KIF2C: variants seen among roughly 807,000 people sequenced by gnomAD.
The protein encoded by KIF2C is kinesin-like protein KIF2C.
Under a neutral mutation model 97.4 loss-of-function variants are expected in KIF2C, and 34 were observed. That is an observed-to-expected ratio of 0.35 (90% CI 0.27 to 0.46). The LOEUF is 0.46. Among genes scored for constraint, KIF2C ranks in the 20% least tolerant of loss-of-function variants. KIF2C has a pLI of 1.00. For missense variants in KIF2C, 750 were observed against 907.6 expected (o/e 0.83, Z 2.23); for synonymous variants, 313 against 318.2 (o/e 0.98, Z 0.17).
intron 4 of KIF2C, 48 bp from the exon 5 acceptor site, chr1:44,750,394 C>T: frequency 7.5e-7 from 1 of 1,330,866 alleles, no homozygotes; most frequent in Admixed American, 2.9e-5. Context: ...CCCCTGACCA[C>T]CCTCGAGATC....
chr1:44,742,281 T>A (rs922363478), intron 2 of KIF2C, among the ~76,000 whole-genome samples: 4 of 151,928 alleles, frequency 2.6e-5, no homozygotes, highest in Non-Finnish European at 5.9e-5. Flanking sequence ...GGCTAATTTT[T>A]TGTATTTTTA....
intron 5 of KIF2C, among the ~76,000 whole-genome samples, chr1:44,751,754 C>T (rs1241210034): frequency 6.6e-5 from 10 of 151,576 alleles, no homozygotes; most frequent in South Asian, 4.2e-4. Flanking sequence ...GTGATCTGCC[C>T]GCCTTGGCCT....
At chr1:44,753,335 T>C in intron 6 of KIF2C, 81 bp downstream of exon 6, 8 of 1,475,452 alleles carry the variant, frequency 5.4e-6, no homozygotes, top group Non-Finnish European at 7.3e-6. Flanking sequence ...TGGCCTACCT[T>C]GGCACCTGAG....
chr1:44,747,750 A>G lies in KIF2C; in HGVS notation c.316+50A>G, dbSNP rs199567993. ...TATCATGGAATTTGTGTCAGGAATT[A>G]TGTTTCTAGGACTCAGAGTTGTGGA... On this transcript the variant is annotated intron_variant, in intron 4 of 20. Coordinates refer to ENST00000372224, the MANE Select transcript of KIF2C (RefSeq NM_006845.4). 39 of 1,549,282 alleles carry G rather than the reference A, an allele frequency of 2.5e-5. 1 individual carries two copies. In the East Asian group the frequency reaches 7.9e-4, roughly 32 times the overall value.
chr1:44,746,868 A>G, intron 2 of KIF2C: 1 of 1,086,946 alleles, frequency 9.2e-7, no homozygotes, highest in East Asian at 2.8e-5. Flanking sequence ...TAGAAATTTA[A>G]TTTTTTCTAT....
Position 44,739,966 on chromosome 1 carries a change from T to G in KIF2C, c.34T>G (p.Phe12Val), listed in dbSNP as rs574478086. ...GGACTCGTCGCTTCAGGCCCGCCTGTTTCCCGGTCTCGCTATCAAGATCCA... is the reference window on the plus strand; with the variant it reads ...GGACTCGTCGCTTCAGGCCCGCCTGGTTCCCGGTCTCGCTATCAAGATCCA... ...AMDSSLQARLFPGLAIKIQRS... is the reference protein window; with the variant it reads ...AMDSSLQARLVPGLAIKIQRS... The change falls in exon 1 of 21, where the codon TTT (phenylalanine) becomes GTT (valine). Residue 12 changes from phenylalanine (F) to valine (V), a missense_variant. By Grantham distance (50) the Phe-to-Val change is conservative. Transcript: ENST00000372224. The G allele has an allele frequency of 3.7e-6, 6 of 1,614,194 alleles. No individual in the cohort carries two copies. Among genetic ancestry groups the G allele is most frequent in the Non-Finnish European group, 4.2e-6 (5 of 1,180,022 alleles).
At chr1:44,743,654 T>C (rs540465095) in intron 2 of KIF2C, among the ~76,000 whole-genome samples, 104 of 152,262 alleles carry the variant, frequency 6.8e-4, no homozygotes, top group African/African-American at 2.4e-3. Context: ...TAGCCAGTCA[T>C]AGTGGCTTGC....
chr1:44,748,163 G>A (rs1024538501), intron 4 of KIF2C, among the ~76,000 whole-genome samples: 1 of 152,156 alleles, frequency 6.6e-6, no homozygotes, highest in African/African-American at 2.4e-5. Flanking sequence ...TAGGAGGTTG[G>A]GAGTCTCTCT....
At chr1:44,741,532 A>C (rs1490159420) in intron 2 of KIF2C, among the ~76,000 whole-genome samples, 1 of 151,990 alleles carries the variant, frequency 6.6e-6, no homozygotes, top group African/African-American at 2.4e-5. Flanking sequence ...AAAAAAATTA[A>C]AAATTATCAG....
intron 19 of KIF2C, among the ~76,000 whole-genome samples, chr1:44,765,838 G>A (rs1452981552): frequency 2.6e-5 from 4 of 152,172 alleles, no homozygotes; most frequent in African/African-American, 9.7e-5. Flanking sequence ...GATCAACTAA[G>A]GTCGGGAATT....
chr1:44,758,120 T>C lies in KIF2C; in HGVS notation c.1204T>C (p.Phe402Leu). The part of the protein sequence containing the change: ...KLGLEVYVTF[F>L]EIYNGKLFDL... Reference sequence around the variant, plus strand: ...GGGCCTGGAAGTCTATGTGACATTCTTCGAGATCTACAATGGGAAGGTAGC... The same window carrying C: ...GGGCCTGGAAGTCTATGTGACATTCCTCGAGATCTACAATGGGAAGGTAGC... Residue 402 changes from phenylalanine to leucine, a missense_variant, in exon 13 of 21, where the codon TTC becomes CTC. Transcript: ENST00000372224. 1 of 1,605,400 alleles carries C rather than the reference T, an allele frequency of 6.2e-7. No homozygotes were observed. Among genetic ancestry groups the C allele is most frequent in the Admixed American group, 1.7e-5 (1 of 59,244 alleles).
intron 13 of KIF2C, among the ~76,000 whole-genome samples, chr1:44,758,855 G>A (rs546569485): frequency 6.6e-6 from 1 of 152,070 alleles, no homozygotes; most frequent in Non-Finnish European, 1.5e-5. Context: ...CAGCCTGGGC[G>A]ATACGAGCGA....
At chr1:44,750,271 T>C (rs1649436667) in intron 4 of KIF2C, 171 bp from the exon 5 acceptor site, 2 of 571,478 alleles carry the variant, frequency 3.5e-6, no homozygotes, top group Non-Finnish European at 5.4e-6. Flanking sequence ...GGTTTTGGGG[T>C]TACTGGTACT....
In KIF2C at chr1:44,750,391, C is replaced by T. The variant is rs375410627; in HGVS notation, c.317-51C>T. On this transcript the variant is annotated intron_variant, in intron 4 of 20. Transcript: ENST00000372224. The stretch of plus-strand genomic sequence containing the variant: ...CAGAAACTTGGAGGTTTGCCCCTGA[C>T]CACCCTCGAGATCGTGCAGCACTGA... 43 of 1,327,840 alleles carry T rather than the reference C, an allele frequency of 3.2e-5. No homozygotes were observed. In the Middle Eastern group the frequency reaches 1.3e-3, roughly 40 times the overall value. The allele number at this position is 1,327,840 out of a possible 1,614,324, so 82.3% of individuals were successfully genotyped here. A position where few individuals can be genotyped will look rare whatever the true frequency, so the allele number is the denominator to read the frequency against.
intron 5 of KIF2C, among the ~76,000 whole-genome samples, chr1:44,751,382 G>T (rs183502245): frequency 3.0e-4 from 46 of 152,030 alleles, no homozygotes; most frequent in Non-Finnish European, 5.3e-4. Context: ...TTTTAGTAGG[G>T]GTGGGGTATC....
rs1280793892 is a variant in KIF2C, at chr1:44,766,908, C to A, written c.2054C>A (p.Ser685Tyr). The A allele has an allele frequency of 1.2e-6, 2 of 1,614,218 alleles. No homozygotes were observed. Among genetic ancestry groups the A allele is most frequent in the East Asian group, 4.5e-5 (2 of 44,876 alleles). ...DLETFVNKAE[S>Y]ALAQQAKHFS... ...GAGACCTTTGTGAACAAAGCGGAAT[C>A]TGCTCTGGCCCAGCAAGCCAAGCAT... The change falls in exon 20 of 21, where the codon TCT (serine) becomes TAT (tyrosine). Residue 685 changes from serine (S) to tyrosine (Y), a missense_variant. Coordinates refer to ENST00000372224, the MANE Select transcript of KIF2C (RefSeq NM_006845.4).
At chr1:44,748,010 C>T (rs1210325324) in intron 4 of KIF2C, among the ~76,000 whole-genome samples, 7 of 152,186 alleles carry the variant, frequency 4.6e-5, no homozygotes, top group Admixed American at 3.9e-4. Context: ...CGGGGCTCAG[C>T]CCCCTCAGTG....
Position 44,762,578 on chromosome 1 carries a change from A to T in KIF2C, c.1891A>T (p.Met631Leu). Reference protein sequence around the residue: ...SKEEEELSSQMSSFNEAMTQI... With the variant: ...SKEEEELSSQLSSFNEAMTQI... ...GGAAGAGGAGGAACTGTCTTCCCAGATGTCCAGCTTTAACGAAGCCATGAC... is the reference window on the plus strand; with the variant it reads ...GGAAGAGGAGGAACTGTCTTCCCAGTTGTCCAGCTTTAACGAAGCCATGAC... Residue 631 changes from methionine to leucine, a missense_variant, in exon 19 of 21, where the codon ATG (methionine) becomes TTG (leucine). Met to Leu is a conservative substitution (Grantham distance 15). Transcript: ENST00000372224. 6.2e-7 allele frequency: 1 copy of T among 1,614,150 alleles called. No individual in the cohort carries two copies. Among genetic ancestry groups the T allele is most frequent in the Non-Finnish European group, 8.5e-7 (1 of 1,180,004 alleles).
chr1:44,760,609 G>A lies in KIF2C; in HGVS notation c.1590G>A (p.Leu530=). The A allele has an allele frequency of 1.2e-6, 2 of 1,614,184 alleles. No homozygotes were observed. Among genetic ancestry groups the A allele is most frequent in the Non-Finnish European group, 1.7e-6 (2 of 1,180,020 alleles). The change falls in exon 16 of 21, where the codon CTG becomes CTA. Residue 530 remains leucine (L), a synonymous_variant. Transcript: ENST00000372224. This position sits in a 1 kb window ranked among gnomAD's most constrained non-coding sequence, Gnocchi z 4.2. ...LLALKECIRA[L]GQNKAHTPFR... Reference sequence around the variant, plus strand: ...CCCCACAGGAGTGCATCAGGGCCCTGGGACAGAACAAGGCTCACACCCCGT... The same window carrying A: ...CCCCACAGGAGTGCATCAGGGCCCTAGGACAGAACAAGGCTCACACCCCGT...
Sources: allele counts gnomAD v4.1 joint callset (sites outside exome capture counted in the v4.1 genomes callset), GRCh38; gene constraint gnomAD v4.1.1; non-coding constraint Gnocchi (gnomAD v3.1); transcripts MANE v1.5; gene names NCBI Gene and HGNC (gene_info 2026-07-23, HGNC 2026-07-21).